Variants in NF1 observed in about 807,000 individuals in gnomAD.
NF1 encodes the protein neurofibromin 1, also known as neurofibromin.
A neutral mutation model predicts 325.7 loss-of-function variants in NF1; 122 were observed. That is an observed-to-expected ratio of 0.37 (90% CI 0.32 to 0.44). The LOEUF (loss-of-function observed/expected upper bound fraction) is 0.44. Ranked by LOEUF, NF1 falls within the 20% of genes least tolerant of loss-of-function variation. NF1 has a pLI of 1.00. For synonymous variants in NF1, 1,091 were observed against 1,186.0 expected (o/e 0.92, Z 1.65); for missense variants, 2,140 against 3,415.4 (o/e 0.63, Z 9.31).
intron 1 of NF1, among the ~76,000 whole-genome samples, chr17:31,145,614 T>C (rs191025093): frequency 9.1e-4 from 138 of 152,310 alleles, no homozygotes; most frequent in African/African-American, 3.2e-3. Context: ...ATCTTGATTT[T>C]TTTTTCCTTT....
chr17:31,313,705 C>CAAA (rs371438778), intron 36 of NF1, among the ~76,000 whole-genome samples: 1 of 112,654 alleles, frequency 8.9e-6, no homozygotes, highest in Non-Finnish European at 1.9e-5. Flanking sequence ...GACTCTATCT[C>CAAA]AAAAAAAAAA....
intron 51 of NF1, among the ~76,000 whole-genome samples, 176 bp downstream of exon 51, chr17:31,352,590 A>T (rs1398476400): frequency 1.3e-5 from 2 of 152,154 alleles, no homozygotes; most frequent in Non-Finnish European, 2.9e-5. Flanking sequence ...ATAAGTTGAG[A>T]TAGAGAAATG....
intron 36 of NF1, chr17:31,278,214 C>A (rs950377826): frequency 3.3e-5 from 5 of 152,092 alleles, no homozygotes; most frequent in Non-Finnish European, 1.5e-5. Context: ...GAACTGTCTT[C>A]CCTCACGTAT....
In NF1 at chr17:31,248,106, G is replaced by A. The variant is rs960123610; in HGVS notation, c.3975-878G>A. On this transcript the variant is annotated intron_variant, in intron 29 of 57. Transcript: ENST00000358273. ...AATCCTAACTACTTGGGAGGCTGAG[G>A]CAGGAGAATCACTTGAACCCGGGAG... 3.9e-5 allele frequency among the ~76,000 whole-genome samples: 6 copies of A among 152,202 alleles called. No individual in the cohort carries two copies. The South Asian group carries it at 1.2e-3, about 32-fold the overall frequency.
rs1361259662 is a variant in NF1 at position 31,181,471 on chromosome 17, T to C, written c.636T>C (p.Val212=). The C allele has an allele frequency of 6.2e-7, 1 of 1,613,622 alleles. No homozygotes were observed. The highest frequency in any genetic ancestry group is 1.1e-5 in the South Asian group (1 of 91,044). Residue 212 remains valine (V), a synonymous_variant, in exon 6 of 58, where the codon GTT becomes GTC. Transcript: ENST00000358273. ...KALKKVAQLA[V]INSLEKAFWN... The stretch of plus-strand genomic sequence containing the variant: ...TAAAGAAGGTTGCGCAGTTAGCAGT[T>C]ATAAATAGCCTGGAAAAGGTAAGTT...
At chr17:31,215,009 TC>T (rs1188817200) in intron 13 of NF1, among the ~76,000 whole-genome samples, 1 of 152,232 alleles carries the variant, frequency 6.6e-6, no homozygotes, top group Non-Finnish European at 1.5e-5. Context: ...TATCCCCCTT[TC>T]TTTGTGTTAT....
chr17:31,213,330 G>A (rs2066761707), intron 12 of NF1, among the ~76,000 whole-genome samples: 1 of 152,200 alleles, frequency 6.6e-6, no homozygotes, highest in African/African-American at 2.4e-5. Context: ...ATAAATGTGT[G>A]CATTAAATAG....
chr17:31,137,124 TTTG>T (rs1191285651), intron 1 of NF1: 1 of 152,208 alleles, frequency 6.6e-6, no homozygotes, highest in East Asian at 1.9e-4. Context: ...AGGTCTCCTT[TTTG>T]TTGTTTGTTC....
At chr17:31,302,065 C>G (rs73275664) in intron 36 of NF1, among the ~76,000 whole-genome samples, 6,776 of 152,242 alleles carry the variant, frequency 0.045, 299 homozygotes, top group African/African-American at 0.11. Context: ...TCAGCTTCCA[C>G]TGACCTCACT....
chr17:31,226,117 G>A (rs751634816), intron 17 of NF1, among the ~76,000 whole-genome samples: 58 of 152,062 alleles, frequency 3.8e-4, no homozygotes, highest in Non-Finnish European at 6.6e-4. Flanking sequence ...TTACGTTATG[G>A]TGTTTACCTG....
At chr17:31,224,974 C>A in intron 16 of NF1, 121 bp from the exon 17 acceptor site, 3 of 959,784 alleles carry the variant, frequency 3.1e-6, no homozygotes, top group Non-Finnish European at 5.0e-6. Context: ...CAAGTTGGGG[C>A]ATAGAGATTG....
At chr17:31,270,726 T>A (rs1444576257) in intron 36 of NF1, among the ~76,000 whole-genome samples, 1 of 152,238 alleles carries the variant, frequency 6.6e-6, no homozygotes, top group Non-Finnish European at 1.5e-5. Flanking sequence ...TAAATAATGA[T>A]AATAGCTAAC....
intron 8 of NF1, among the ~76,000 whole-genome samples, chr17:31,193,553 A>G (rs2066384165): frequency 6.6e-6 from 1 of 152,200 alleles, no homozygotes; most frequent in Non-Finnish European, 1.5e-5. Flanking sequence ...TTGCAAAGGA[A>G]ACAATTGGCA....
rs766714610 is a variant in NF1 at position 31,349,232 on chromosome 17, G to C, written c.7302G>C (p.Gln2434His). The change falls in exon 49 of 58, where the codon CAG (glutamine) becomes CAC (histidine). Residue 2434 changes from glutamine (Q) to histidine (H), a missense_variant. Transcript: ENST00000358273. ...GTGACAAATTTGAAGTGAATACACA[G>C]AGCGTGGCCTACTTAGCAGGTAAAA... ...RNCDKFEVNTQSVAYLAALLT... is the reference protein window; with the variant it reads ...RNCDKFEVNTHSVAYLAALLT... 1 of 1,613,110 alleles carries C rather than the reference G, an allele frequency of 6.2e-7. No individual in the cohort carries two copies. Among genetic ancestry groups the C allele is most frequent in the Admixed American group, 1.7e-5 (1 of 59,988 alleles).
At chr17:31,182,731 T>C (rs2066161017) in intron 8 of NF1, 66 bp downstream of exon 8, 3 of 1,448,790 alleles carry the variant, frequency 2.1e-6, no homozygotes, top group African/African-American at 2.8e-5. Context: ...TCAAGGTGTG[T>C]ATTACTTTAG....
intron 2 of NF1, among the ~76,000 whole-genome samples, chr17:31,157,480 C>G (rs1330535356): frequency 6.6e-6 from 1 of 151,866 alleles, no homozygotes; most frequent in Non-Finnish European, 1.5e-5. Context: ...GATAATTTTT[C>G]TCTTGTTCTA....
intron 51 of NF1, among the ~76,000 whole-genome samples, chr17:31,354,142 A>G (rs1235909448): frequency 1.3e-5 from 2 of 152,228 alleles, no homozygotes; most frequent in Non-Finnish European, 2.9e-5. Flanking sequence ...GCCCTGGAAG[A>G]CTTTGTAATT....
intron 54 of NF1, 88 bp from the exon 55 acceptor site, chr17:31,358,392 C>A: frequency 1.5e-6 from 2 of 1,353,814 alleles, no homozygotes; most frequent in Non-Finnish European, 2.1e-6. Context: ...GCACATTATT[C>A]TGGGGAATGT....
At chr17:31,126,549 C>CT (rs17883720) in intron 1 of NF1, among the ~76,000 whole-genome samples, 3,685 of 152,158 alleles carry the variant, frequency 0.024, 149 homozygotes, top group African/African-American at 0.083. Context: ...TCAAGCTATC[C>CT]TCCCACCTCA....
Sources: allele counts gnomAD v4.1 joint callset (sites outside exome capture counted in the v4.1 genomes callset), GRCh38; gene constraint gnomAD v4.1.1; transcripts MANE v1.5; gene names NCBI Gene and HGNC (gene_info 2026-07-23, HGNC 2026-07-21).